PDE7A: variants seen among roughly 807,000 people sequenced by gnomAD.
PDE7A encodes high affinity 3',5'-cyclic-AMP phosphodiesterase 7A.
In PDE7A, 39 loss-of-function variants were observed where a neutral mutation model predicts 64.3. That is an observed-to-expected ratio of 0.61 (90% CI 0.47 to 0.79). The LOEUF is 0.79. Among genes scored for constraint, PDE7A ranks in the 30% least tolerant of loss-of-function variants. The probability of loss-of-function intolerance (pLI) is 0.00; values close to 1 mark genes in which losing one functional copy is unlikely to be tolerated. For missense variants in PDE7A, 470 were observed against 582.8 expected (o/e 0.81, Z 1.99); for synonymous variants, 203 against 206.8 (o/e 0.98, Z 0.16).
intron 3 of PDE7A, among the ~76,000 whole-genome samples, chr8:65,765,057 A>G (rs565408895): frequency 5.3e-4 from 81 of 152,358 alleles, no homozygotes; most frequent in African/African-American, 1.9e-3. Flanking sequence ...AGAAGCTGCC[A>G]GAGACCAGAA....
In PDE7A at chr8:65,716,389, GGCTT is replaced by G. The variant is rs1310930214; in HGVS notation, c.*2897_*2900del. On this transcript the variant is annotated 3_prime_UTR_variant, in exon 13 of 13. Transcript: ENST00000401827. ...GCCCAGGTAAGCTCAACTGAAACAA[GGCTT>G]GAGGTAATGACGTTATTTAATGCAT... Among the ~76,000 whole-genome samples, 3 of 152,118 alleles carry G rather than the reference GGCTT, an allele frequency of 2.0e-5. No homozygotes were observed. Among genetic ancestry groups the G allele is most frequent in the Non-Finnish European group, 1.5e-5 (1 of 68,018 alleles).
At chr8:65,790,119 G>T (rs757878401) in intron 1 of PDE7A, among the ~76,000 whole-genome samples, 3 of 152,202 alleles carry the variant, frequency 2.0e-5, no homozygotes, top group Non-Finnish European at 4.4e-5. Flanking sequence ...AAGAACAGGC[G>T]TGAGGGCCAA....
chr8:65,733,505 C>G (rs1023843372), intron 7 of PDE7A, among the ~76,000 whole-genome samples: 4 of 151,884 alleles, frequency 2.6e-5, no homozygotes, highest in Non-Finnish European at 4.4e-5. Context: ...CCTGTCTCTA[C>G]AAAAAATTTA....
chr8:65,806,284 G>GT (rs1220869651), intron 1 of PDE7A, among the ~76,000 whole-genome samples: 1 of 150,488 alleles, frequency 6.6e-6, no homozygotes, highest in Admixed American at 6.6e-5. Context: ...TAAATTTGTA[G>GT]TAAAAAAAAA....
intron 1 of PDE7A, among the ~76,000 whole-genome samples, chr8:65,792,640 A>G (rs768999849): frequency 6.6e-6 from 1 of 152,232 alleles, no homozygotes; most frequent in Non-Finnish European, 1.5e-5. Flanking sequence ...AGAAAACTAT[A>G]ACCAAATTTG....
At chr8:65,816,089 T>C (rs1214923537) in intron 1 of PDE7A, among the ~76,000 whole-genome samples, 2 of 151,940 alleles carry the variant, frequency 1.3e-5, no homozygotes, top group African/African-American at 4.9e-5. Context: ...TAACATGTAA[T>C]TGGTATTTCT....
At chr8:65,762,983 T>C (rs1585889315) in intron 3 of PDE7A, among the ~76,000 whole-genome samples, 1 of 144,712 alleles carries the variant, frequency 6.9e-6, no homozygotes, top group African/African-American at 2.6e-5. Flanking sequence ...TATATTTATA[T>C]AAAAACAATG....
intron 10 of PDE7A, 68 bp downstream of exon 10, chr8:65,724,709 A>G: frequency 2.2e-6 from 3 of 1,346,720 alleles, no homozygotes; most frequent in Non-Finnish European, 3.1e-6. Flanking sequence ...ACACTAGAAT[A>G]TTCATTTTTT....
At chr8:65,765,676 G>C (rs189693681) in intron 3 of PDE7A, 1 of 152,226 alleles carries the variant, frequency 6.6e-6, no homozygotes, top group African/African-American at 2.4e-5. Context: ...AGAGAGACCA[G>C]GCCCTCCAGT....
At chr8:65,810,664 A>G (rs900067462) in intron 1 of PDE7A, among the ~76,000 whole-genome samples, 1 of 152,210 alleles carries the variant, frequency 6.6e-6, no homozygotes, top group African/African-American at 2.4e-5. Flanking sequence ...GTAATTTACT[A>G]TATTAGAGCA....
intron 6 of PDE7A, among the ~76,000 whole-genome samples, chr8:65,736,674 C>T (rs1382416316): frequency 6.6e-6 from 1 of 151,610 alleles, no homozygotes; most frequent in Non-Finnish European, 1.5e-5. Context: ...TCGCATGAGC[C>T]GAGAGGTTGA....
chr8:65,774,466 T>TAA (rs1809200518), intron 3 of PDE7A, among the ~76,000 whole-genome samples: 1 of 152,112 alleles, frequency 6.6e-6, no homozygotes, highest in African/African-American at 2.4e-5. Context: ...CTCAGGCTTT[T>TAA]AGAGAGATAA....
intron 1 of PDE7A, among the ~76,000 whole-genome samples, chr8:65,785,003 A>T (rs1809510596): frequency 6.6e-6 from 1 of 152,166 alleles, no homozygotes; most frequent in African/African-American, 2.4e-5. Context: ...CATTTTTTAC[A>T]ATTATTATAT....
chr8:65,820,033 C>T (rs940195456), intron 1 of PDE7A, among the ~76,000 whole-genome samples: 8 of 152,256 alleles, frequency 5.3e-5, no homozygotes, highest in Non-Finnish European at 1.2e-4. Context: ...CTCCAACCTA[C>T]TACATGACAG....
intron 12 of PDE7A, among the ~76,000 whole-genome samples, chr8:65,721,608 T>C (rs1806379391): frequency 6.6e-6 from 1 of 152,176 alleles, no homozygotes; most frequent in South Asian, 2.1e-4. Flanking sequence ...ACAAGATCAA[T>C]AGCTTGAGAT....
chr8:65,719,544 T>C (rs1288752629), intron 12 of PDE7A, 49 bp from the exon 13 acceptor site: 2 of 1,187,210 alleles, frequency 1.7e-6, no homozygotes, highest in African/African-American at 3.0e-5. Flanking sequence ...TGAAACTCTA[T>C]CTTTAAAACA....
chr8:65,726,842 G>C, intron 9 of PDE7A, 33 bp downstream of exon 9: 1 of 1,162,964 alleles, frequency 8.6e-7, no homozygotes, highest in African/African-American at 1.5e-5. Flanking sequence ...TCTATAACCA[G>C]TAACAAATTA....
intron 1 of PDE7A, chr8:65,838,896 G>A (rs1224383142): frequency 2.6e-5 from 4 of 152,140 alleles, no homozygotes; most frequent in Non-Finnish European, 4.4e-5. Context: ...GCTTTAAGAC[G>A]ATCTCCAAAT....
At chr8:65,771,702 C>T (rs1261607815) in intron 3 of PDE7A, among the ~76,000 whole-genome samples, 1 of 151,648 alleles carries the variant, frequency 6.6e-6, no homozygotes, top group Non-Finnish European at 1.5e-5. Flanking sequence ...TGGTGAAACC[C>T]CATCTCTACT....
Sources: allele counts gnomAD v4.1 joint callset (sites outside exome capture counted in the v4.1 genomes callset), GRCh38; gene constraint gnomAD v4.1.1; transcripts MANE v1.5; gene names NCBI Gene and HGNC (gene_info 2026-07-23, HGNC 2026-07-21).